B3GAT2: variants seen among roughly 807,000 people sequenced by gnomAD.
The protein encoded by B3GAT2 is beta-1,3-glucuronyltransferase 2.
In B3GAT2, 26 loss-of-function variants were observed where a neutral mutation model predicts 27.8. The observed-to-expected ratio is 0.93, with a 90% CI of 0.68 to 1.30. B3GAT2 has a LOEUF of 1.30. B3GAT2 is among the 50% of genes most tolerant of loss of function. The pLI is 0.00. For synonymous variants in B3GAT2, 218 were observed against 195.1 expected (o/e 1.12, Z -0.98); for missense variants, 458 against 459.0 (o/e 1.00, Z 0.02).
chr6:70,911,959 G>A (rs571334897), intron 1 of B3GAT2, among the ~76,000 whole-genome samples: 1 of 152,240 alleles, frequency 6.6e-6, no homozygotes, highest in East Asian at 1.9e-4. Context: ...GATGTTGTTA[G>A]TGTAAAGGAA....
chr6:70,929,411 C>T (rs1338121319), intron 1 of B3GAT2, among the ~76,000 whole-genome samples: 2 of 152,092 alleles, frequency 1.3e-5, no homozygotes, highest in Non-Finnish European at 2.9e-5. Context: ...GTCAAATTGT[C>T]TCTGTTTGCA....
chr6:70,893,247 T>C (rs1772321207), intron 2 of B3GAT2, among the ~76,000 whole-genome samples: 1 of 152,134 alleles, frequency 6.6e-6, no homozygotes. Context: ...ATCAGAATTC[T>C]GAACGCGGAG....
chr6:70,936,160 C>A (rs953831615), intron 1 of B3GAT2, among the ~76,000 whole-genome samples: 9 of 151,124 alleles, frequency 6.0e-5, no homozygotes, highest in African/African-American at 2.2e-4. Context: ...CAAAGAAGGC[C>A]GTTACATAAC....
At chr6:70,897,738 T>C (rs1419849622) in intron 1 of B3GAT2, among the ~76,000 whole-genome samples, 1 of 151,598 alleles carries the variant, frequency 6.6e-6, no homozygotes, top group Non-Finnish European at 1.5e-5. Flanking sequence ...TCTACAAGTA[T>C]TATAGTTTTA....
intron 1 of B3GAT2, among the ~76,000 whole-genome samples, chr6:70,924,969 G>GGCCA (rs1772929042): frequency 6.6e-6 from 1 of 152,180 alleles, no homozygotes; most frequent in Admixed American, 6.5e-5. Flanking sequence ...GGCCTTTTGA[G>GGCCA]ATGTCTTTTC....
At chr6:70,951,856 G>A (rs1384762238) in intron 1 of B3GAT2, among the ~76,000 whole-genome samples, 1 of 152,076 alleles carries the variant, frequency 6.6e-6, no homozygotes, top group African/African-American at 2.4e-5. Context: ...CACATTTCAG[G>A]TAAAATGGTC....
intron 1 of B3GAT2, among the ~76,000 whole-genome samples, chr6:70,938,930 A>G (rs1469336995): frequency 6.6e-6 from 1 of 151,854 alleles, no homozygotes; most frequent in African/African-American, 2.4e-5. Flanking sequence ...GCTTCTGCAC[A>G]GCAAAAGAAA....
Position 70,861,831 on chromosome 6 carries a change from TTAG to T in B3GAT2, c.881_883del (p.Thr294del). ...GGGCAGCACAAGTGTAATGAATACC[TTAG>T]TGCAGTTATTTGCTTTCGGTTCCAG... On this transcript the variant is annotated inframe_deletion and splice_region_variant, in exon 3 of 4. Transcript: ENST00000230053. The T allele has an allele frequency of 6.2e-7, 1 of 1,614,072 alleles. No homozygotes were observed. The highest frequency in any genetic ancestry group is 8.5e-7 in the Non-Finnish European group (1 of 1,179,962).
At chr6:70,924,797 G>C (rs117046723) in intron 1 of B3GAT2, among the ~76,000 whole-genome samples, 1 of 152,154 alleles carries the variant, frequency 6.6e-6, no homozygotes, top group African/African-American at 2.4e-5. Flanking sequence ...AACTACTTTC[G>C]TAAAACTAAT....
At chr6:70,867,083 A>C (rs1019917352) in intron 2 of B3GAT2, among the ~76,000 whole-genome samples, 1 of 152,260 alleles carries the variant, frequency 6.6e-6, no homozygotes, top group Non-Finnish European at 1.5e-5. Flanking sequence ...AAACCAAAGA[A>C]GAAATCAAAA....
At chr6:70,932,319 G>T (rs1773074569) in intron 1 of B3GAT2, among the ~76,000 whole-genome samples, 1 of 152,160 alleles carries the variant, frequency 6.6e-6, no homozygotes, top group African/African-American at 2.4e-5. Context: ...AGAACGGAAA[G>T]CAGGGACTCA....
At position 70,861,646 on chromosome 6, in the gene B3GAT2, C is replaced by CCA. The variant is rs1279181123; in HGVS notation, c.*15_*16dup. 6.2e-7 allele frequency: 1 copy of CCA among 1,609,622 alleles called. No homozygotes were observed. The highest frequency in any genetic ancestry group is 8.5e-7 in the Non-Finnish European group (1 of 1,176,502). On this transcript the variant is annotated 3_prime_UTR_variant, in exon 4 of 4. Transcript: ENST00000230053. ...GGATCCACTGGCTGGACAAACTGCA[C>CCA]CAGTTGCTGCTTCAATTTATACCTC...
Position 70,910,774 on chromosome 6 carries a change from T to G in B3GAT2, c.592-16502A>C, listed in dbSNP as rs370599562. Among the ~76,000 whole-genome samples the G allele has an allele frequency of 3.3e-5, 5 of 152,340 alleles. No individual in the cohort carries two copies. The East Asian group carries it at 9.6e-4, about 29-fold the overall frequency. ...ACCCTGTTTTCCACAATGGCTGAACTAATTTACATTTCCACCAGCAGCGTA... is the reference window on the plus strand; with the variant it reads ...ACCCTGTTTTCCACAATGGCTGAACGAATTTACATTTCCACCAGCAGCGTA... On this transcript the variant is annotated intron_variant, in intron 1 of 3. Transcript: ENST00000230053.
chr6:70,924,597 C>T (rs565023107), intron 1 of B3GAT2, among the ~76,000 whole-genome samples: 4 of 152,034 alleles, frequency 2.6e-5, no homozygotes, highest in African/African-American at 9.7e-5. Context: ...CAGAAATAAA[C>T]CCTATGCAAC....
At chr6:70,895,864 G>T (rs1010237756) in intron 1 of B3GAT2, among the ~76,000 whole-genome samples, 2 of 150,450 alleles carry the variant, frequency 1.3e-5, no homozygotes, top group African/African-American at 4.9e-5. Context: ...TGAGGTATAA[G>T]TGACTGCAGA....
At position 70,856,699 on chromosome 6, in the gene B3GAT2, T is replaced by C. The variant is rs1771439204; in HGVS notation, c.*4964A>G. 1 of 578,288 alleles carries C rather than the reference T, an allele frequency of 1.7e-6. No individual in the cohort carries two copies. Among genetic ancestry groups the C allele is most frequent in the South Asian group, 4.1e-5 (1 of 24,664 alleles). 35.8% of individuals were successfully genotyped at this position (578,288 alleles called of 1,614,324 possible). A position where few individuals can be genotyped will look rare whatever the true frequency, so the allele number is the denominator to read the frequency against. ...TGTCTTGATTGTAGATGTTTTTATATGGGCTTGGGCTTGTAAGTGATCCTC... is the reference window on the plus strand; with the variant it reads ...TGTCTTGATTGTAGATGTTTTTATACGGGCTTGGGCTTGTAAGTGATCCTC... On this transcript the variant is annotated 3_prime_UTR_variant, in exon 4 of 4. Coordinates refer to ENST00000230053, the MANE Select transcript of B3GAT2 (RefSeq NM_080742.3).
chr6:70,895,675 C>T (rs905246712), intron 1 of B3GAT2, among the ~76,000 whole-genome samples: 1 of 151,710 alleles, frequency 6.6e-6, no homozygotes, highest in Non-Finnish European at 1.5e-5. Context: ...TGGCTAATTC[C>T]AAAGAGGGGA....
In B3GAT2 at chr6:70,860,200, A is replaced by C. The variant is rs778607875; in HGVS notation, c.*1463T>G. On this transcript the variant is annotated 3_prime_UTR_variant, in exon 4 of 4. Coordinates refer to ENST00000230053, the MANE Select transcript of B3GAT2 (RefSeq NM_080742.3). Reference sequence around the variant, plus strand: ...ACTAAGCCTTTTATATGTTTCACAGATGAATCAGCAGATGGCTGGCATGAG... The same window carrying C: ...ACTAAGCCTTTTATATGTTTCACAGCTGAATCAGCAGATGGCTGGCATGAG... The C allele has an allele frequency of 1.2e-6, 2 of 1,605,534 alleles. No individual in the cohort carries two copies. Among genetic ancestry groups the C allele is most frequent in the African/African-American group, 1.3e-5 (1 of 74,568 alleles).
chr6:70,955,792 G>C, intron 1 of B3GAT2, 47 bp downstream of exon 1: 1 of 1,507,708 alleles, frequency 6.6e-7, no homozygotes, highest in South Asian at 1.3e-5. Context: ...CCGGCCCGGA[G>C]GCCCACTCCC....
Sources: allele counts gnomAD v4.1 joint callset (sites outside exome capture counted in the v4.1 genomes callset), GRCh38; gene constraint gnomAD v4.1.1; transcripts MANE v1.5; gene names NCBI Gene and HGNC (gene_info 2026-07-23, HGNC 2026-07-21).